ROR2: variants seen among roughly 807,000 people sequenced by gnomAD.
ROR2 encodes the protein tyrosine-protein kinase transmembrane receptor ROR2.
Under a neutral mutation model 74.9 loss-of-function variants are expected in ROR2, and 33 were observed. That is an observed-to-expected ratio of 0.44 (90% CI 0.33 to 0.59). The LOEUF (loss-of-function observed/expected upper bound fraction) is 0.59, where lower values mean the gene tolerates loss of function less well. ROR2 is among the 20% of genes least tolerant of loss of function. The pLI is 0.02. For missense variants in ROR2, 1,216 were observed against 1,313.8 expected (o/e 0.93, Z 1.15); for synonymous variants, 586 against 558.7 (o/e 1.05, Z -0.69).
intron 1 of ROR2, among the ~76,000 whole-genome samples, chr9:91,838,793 T>G (rs900249291): frequency 6.6e-6 from 1 of 152,204 alleles, no homozygotes; most frequent in East Asian, 1.9e-4. Context: ...ACAGATGTTA[T>G]GAGTTATCGT....
intron 1 of ROR2, among the ~76,000 whole-genome samples, chr9:91,809,986 G>A (rs1203790286): frequency 6.6e-6 from 1 of 152,238 alleles, no homozygotes; most frequent in Non-Finnish European, 1.5e-5. Context: ...GCAATGCACC[G>A]AGGAGCAAGT....
intron 1 of ROR2, among the ~76,000 whole-genome samples, chr9:91,819,624 AGT>A (rs1442510510): frequency 1.7e-5 from 2 of 116,132 alleles, no homozygotes; most frequent in Non-Finnish European, 3.7e-5. Flanking sequence ...TCTTTGAGTG[AGT>A]GTGTGTTGGT....
At chr9:91,871,166 A>G (rs1371317257) in intron 1 of ROR2, among the ~76,000 whole-genome samples, 1 of 152,196 alleles carries the variant, frequency 6.6e-6, no homozygotes, top group African/African-American at 2.4e-5. Context: ...TCTAACATGC[A>G]GCTTCCTCTG....
At chr9:91,762,498 T>A (rs996133472) in intron 2 of ROR2, among the ~76,000 whole-genome samples, 2 of 152,240 alleles carry the variant, frequency 1.3e-5, no homozygotes, top group South Asian at 4.1e-4. Context: ...GCTAAAATGC[T>A]GCAAACATAC....
At chr9:91,946,031 A>C (rs959940108) in intron 1 of ROR2, among the ~76,000 whole-genome samples, 2 of 152,208 alleles carry the variant, frequency 1.3e-5, no homozygotes, top group Admixed American at 6.5e-5. Flanking sequence ...TGAAAGCCTC[A>C]ACAGTGTTAT....
chr9:91,855,655 T>G (rs1332161335), intron 1 of ROR2, among the ~76,000 whole-genome samples: 1 of 152,066 alleles, frequency 6.6e-6, no homozygotes, highest in Non-Finnish European at 1.5e-5. Context: ...GGGAGCAGTG[T>G]GAACAGGCTT....
chr9:91,943,338 T>C (rs529457144), intron 1 of ROR2, among the ~76,000 whole-genome samples: 1 of 152,124 alleles, frequency 6.6e-6, no homozygotes, highest in Non-Finnish European at 1.5e-5. Context: ...ATAACTGTTA[T>C]GTGTAGAGTA....
chr9:91,768,969 G>A (rs747663327), intron 2 of ROR2, among the ~76,000 whole-genome samples: 1 of 152,174 alleles, frequency 6.6e-6, no homozygotes, highest in Non-Finnish European at 1.5e-5. Context: ...GTGGTGCAAC[G>A]CTCACAACCT....
At chr9:91,751,624 G>T (rs1482095212) in intron 4 of ROR2, among the ~76,000 whole-genome samples, 2 of 152,200 alleles carry the variant, frequency 1.3e-5, no homozygotes, top group African/African-American at 4.8e-5. Context: ...CAGATTGAGT[G>T]TGGGTGACTT....
At chr9:91,918,604 CA>C (rs1831194490) in intron 1 of ROR2, among the ~76,000 whole-genome samples, 1 of 152,168 alleles carries the variant, frequency 6.6e-6, no homozygotes, top group Non-Finnish European at 1.5e-5. Context: ...GTTGTCAAAA[CA>C]GAAGCAAGTG....
At chr9:91,853,501 T>C (rs909985158) in intron 1 of ROR2, among the ~76,000 whole-genome samples, 2 of 152,004 alleles carry the variant, frequency 1.3e-5, no homozygotes, top group Non-Finnish European at 2.9e-5. Flanking sequence ...GCAGGTGCTG[T>C]CCAGCCTCCA....
intron 2 of ROR2, among the ~76,000 whole-genome samples, chr9:91,775,158 A>G (rs1826377922): frequency 6.6e-6 from 1 of 152,202 alleles, no homozygotes; most frequent in African/African-American, 2.4e-5. Flanking sequence ...GGTGCTTGCT[A>G]AGGCAGCCTG....
intron 1 of ROR2, among the ~76,000 whole-genome samples, chr9:91,937,566 A>G (rs1831734710): frequency 6.6e-6 from 1 of 152,142 alleles, no homozygotes; most frequent in Admixed American, 6.5e-5. Context: ...CTTACAAAGC[A>G]AGGAGGGAGA....
At chr9:91,937,986 G>A (rs1200458494) in intron 1 of ROR2, among the ~76,000 whole-genome samples, 1 of 152,208 alleles carries the variant, frequency 6.6e-6, no homozygotes. Flanking sequence ...CCGAAGTGCT[G>A]GGATTACAGG....
In ROR2 at chr9:91,950,187, G is replaced by C. The variant is rs990669825; in HGVS notation, c.-224C>G. 1 of 299,284 alleles carries C rather than the reference G, an allele frequency of 3.3e-6. No homozygotes were observed. Among genetic ancestry groups the C allele is most frequent in the African/African-American group, 2.2e-5 (1 of 45,390 alleles). The allele number at this position is 299,284 out of a possible 1,614,324, so 18.5% of individuals were successfully genotyped here. ...TGGGGAGGTTCCTTGGCGCGGGCTGGGGCGTCCCGCCGGCCGCCAGGACGA... is the reference window on the plus strand; with the variant it reads ...TGGGGAGGTTCCTTGGCGCGGGCTGCGGCGTCCCGCCGGCCGCCAGGACGA... On this transcript the variant is annotated 5_prime_UTR_variant, in exon 1 of 9. Transcript: ENST00000375708.
intron 1 of ROR2, among the ~76,000 whole-genome samples, chr9:91,830,549 GCACT>G (rs1828432077): frequency 6.6e-6 from 1 of 152,148 alleles, no homozygotes; most frequent in Non-Finnish European, 1.5e-5. Flanking sequence ...AGAGCACACA[GCACT>G]AACAACACAA....
At chr9:91,746,830 A>G (rs917548593) in intron 4 of ROR2, among the ~76,000 whole-genome samples, 1 of 151,352 alleles carries the variant, frequency 6.6e-6, no homozygotes, top group Non-Finnish European at 1.5e-5. Context: ...TTCATTATTC[A>G]AAAGAATAAC....
intron 1 of ROR2, among the ~76,000 whole-genome samples, chr9:91,888,440 G>C (rs1830343754): frequency 1.3e-5 from 2 of 152,064 alleles, no homozygotes; most frequent in South Asian, 4.2e-4. Context: ...TCTTCCACTG[G>C]ACGCTGATAC....
chr9:91,808,453 A>G (rs1407306447), intron 1 of ROR2, among the ~76,000 whole-genome samples: 1 of 151,840 alleles, frequency 6.6e-6, no homozygotes, highest in Non-Finnish European at 1.5e-5. Context: ...AACATGGTGA[A>G]AGCCCGTCTG....
Sources: gnomAD v4.1 joint callset for allele counts (sites outside exome capture counted in the v4.1 genomes callset) on GRCh38, gnomAD v4.1.1 for gene constraint, MANE v1.5 for transcripts, NCBI Gene and HGNC (gene_info 2026-07-23, HGNC 2026-07-21) for gene names.